The following GPR158 variants were observed in gnomAD, a reference collection of about 807,000 sequenced individuals.
The protein encoded by GPR158 is G protein-coupled receptor 158.
A neutral mutation model predicts 78.2 loss-of-function variants in GPR158; 30 were observed. The ratio of observed to expected loss-of-function variants is 0.38; its 90% CI spans 0.29 to 0.52. The LOEUF is 0.52. Ranked by LOEUF, GPR158 falls within the 20% of genes least tolerant of loss-of-function variation. The pLI, the probability that GPR158 is intolerant of heterozygous loss-of-function variation, is 0.83. For missense variants in GPR158, 1,463 were observed against 1,523.5 expected (o/e 0.96, Z 0.66); for synonymous variants, 581 against 591.1 (o/e 0.98, Z 0.25).
At chr10:25,405,565 T>C (rs12258671) in intron 3 of GPR158, among the ~76,000 whole-genome samples, 12,595 of 142,116 alleles carry the variant, frequency 0.089, 660 homozygotes, top group East Asian at 0.15. Context: ...TTGGTGATGA[T>C]GTCAGCTTAT....
chr10:25,357,347 A>C (rs985062137), intron 2 of GPR158, among the ~76,000 whole-genome samples: 3 of 152,142 alleles, frequency 2.0e-5, no homozygotes, highest in Non-Finnish European at 4.4e-5. Flanking sequence ...ATGAGGAGCC[A>C]AATGTTAATC....
intron 1 of GPR158, among the ~76,000 whole-genome samples, chr10:25,210,757 A>G (rs1006559998): frequency 1.3e-5 from 2 of 152,152 alleles, no homozygotes; most frequent in African/African-American, 4.8e-5. Context: ...TCATGACATT[A>G]TATCCTTGTA....
intron 4 of GPR158, among the ~76,000 whole-genome samples, chr10:25,442,549 TGTATATTAATACTCCA>T (rs898429502): frequency 6.6e-6 from 1 of 152,044 alleles, no homozygotes; most frequent in Non-Finnish European, 1.5e-5. Context: ...CATCTCTGCT[TGTATATTAATACTCCA>T]GTATATTAAT....
At chr10:25,532,338 T>C (rs1438530674) in intron 5 of GPR158, among the ~76,000 whole-genome samples, 2 of 152,146 alleles carry the variant, frequency 1.3e-5, no homozygotes, top group African/African-American at 4.8e-5. Flanking sequence ...GAGTGATGCA[T>C]TTTTTATGTG....
At chr10:25,209,157 CCT>C (rs1479069872) in intron 1 of GPR158, among the ~76,000 whole-genome samples, 1 of 152,186 alleles carries the variant, frequency 6.6e-6, no homozygotes, top group African/African-American at 2.4e-5. Flanking sequence ...CCAGCCACTT[CCT>C]GTTTTCTTTA....
intron 2 of GPR158, among the ~76,000 whole-genome samples, chr10:25,375,328 G>C (rs72796170): frequency 6.6e-6 from 1 of 151,360 alleles, no homozygotes; most frequent in Non-Finnish European, 1.5e-5. Flanking sequence ...CATACCTCTC[G>C]TTTTCATCAC....
intron 5 of GPR158, among the ~76,000 whole-genome samples, chr10:25,514,287 T>C (rs1836130740): frequency 6.6e-6 from 1 of 152,194 alleles, no homozygotes; most frequent in Non-Finnish European, 1.5e-5. Flanking sequence ...CTGCTGTTGT[T>C]TTAAAGTTTG....
At chr10:25,429,075 G>T (rs888046069) in intron 4 of GPR158, among the ~76,000 whole-genome samples, 1 of 151,948 alleles carries the variant, frequency 6.6e-6, no homozygotes, top group African/African-American at 2.4e-5. Context: ...AACATTCAGG[G>T]TTTCTACAGA....
intron 5 of GPR158, among the ~76,000 whole-genome samples, chr10:25,513,864 C>A (rs1836122460): frequency 6.6e-6 from 1 of 151,970 alleles, no homozygotes; most frequent in African/African-American, 2.4e-5. Context: ...CAATATTATT[C>A]CACTGTGGTC....
intron 2 of GPR158, among the ~76,000 whole-genome samples, chr10:25,375,439 C>A (rs1834064204): frequency 6.9e-6 from 1 of 145,572 alleles, no homozygotes; most frequent in African/African-American, 2.5e-5. Flanking sequence ...AAATGTTCCA[C>A]CTAGGTCTGA....
intron 5 of GPR158, among the ~76,000 whole-genome samples, chr10:25,538,988 G>C (rs1425311718): frequency 6.6e-6 from 1 of 152,172 alleles, no homozygotes; most frequent in African/African-American, 2.4e-5. Flanking sequence ...TTCTCATAGA[G>C]AGATGGGAAA....
intron 2 of GPR158, among the ~76,000 whole-genome samples, chr10:25,257,345 A>C (rs1853903097): frequency 6.6e-6 from 1 of 152,228 alleles, no homozygotes; most frequent in African/African-American, 2.4e-5. Context: ...TTTCCAACAC[A>C]TGAACTTTGG....
At chr10:25,248,801 C>CT (rs1370406327) in intron 2 of GPR158, among the ~76,000 whole-genome samples, 1 of 151,072 alleles carries the variant, frequency 6.6e-6, no homozygotes, top group East Asian at 1.9e-4. Flanking sequence ...GATGTGGGCT[C>CT]TTTTTTGGTT....
rs765240286 is a variant in GPR158 at position 25,589,085 on chromosome 10, G to A, written c.1832G>A (p.Arg611His). Residue 611 changes from arginine to histidine, a missense_variant, in exon 8 of 11, where the codon CGC becomes CAC. Physicochemically the swap from Arg to His is conservative, Grantham distance 29 (BLOSUM62 0). Coordinates refer to ENST00000376351, the MANE Select transcript of GPR158 (RefSeq NM_020752.3). ...GTCCCATCGGCATTCCATGAGCCCC[G>A]CTATATGGCTGTTGCAGTTCACAAT... ...RTVPSAFHEP[R>H]YMAVAVHNEL... 6 of 1,612,270 alleles carry A rather than the reference G, an allele frequency of 3.7e-6. No individual in the cohort carries two copies. Among genetic ancestry groups the A allele is most frequent in the South Asian group, 2.2e-5 (2 of 90,932 alleles).
intron 2 of GPR158, among the ~76,000 whole-genome samples, chr10:25,390,090 C>T (rs1218254993): frequency 6.6e-6 from 1 of 152,180 alleles, no homozygotes; most frequent in Non-Finnish European, 1.5e-5. Flanking sequence ...CTTTTGCCCT[C>T]CATCATATTT....
chr10:25,583,756 C>T (rs138168590), intron 7 of GPR158, among the ~76,000 whole-genome samples: 112 of 152,012 alleles, frequency 7.4e-4, no homozygotes, highest in Admixed American at 1.1e-3. Context: ...AAAACCTAAA[C>T]GTTTTATCAT....
Position 25,599,055 on chromosome 10 carries a change from G to A in GPR158, c.3429G>A (p.Lys1143=). The A allele has an allele frequency of 1.2e-6, 2 of 1,613,978 alleles. No individual in the cohort carries two copies. Among genetic ancestry groups the A allele is most frequent in the Non-Finnish European group, 1.7e-6 (2 of 1,179,972 alleles). ...ACCAAATAGGACACCAGGAAAAAAA[G>A]ACATCTTCTTCTGAGGAGAATGTGC... ...NLNQIGHQEK[K]TSSSEENVRG... The change falls in exon 11 of 11, where the codon AAG becomes AAA. Residue 1143 remains lysine, a synonymous_variant. Coordinates refer to ENST00000376351, the MANE Select transcript of GPR158 (RefSeq NM_020752.3).
At chr10:25,358,118 C>T (rs77960119) in intron 2 of GPR158, among the ~76,000 whole-genome samples, 15,162 of 152,034 alleles carry the variant, frequency 0.1, 1,869 homozygotes, top group African/African-American at 0.3. Context: ...CTTTGTTTTT[C>T]CCAATGTCTC....
In GPR158 at chr10:25,391,911, T is replaced by C. The variant is rs144158402; in HGVS notation, c.1009-4000T>C. 3.3e-3 allele frequency among the ~76,000 whole-genome samples: 499 copies of C among 152,196 alleles called. 2 individuals carry two copies. The highest frequency in any genetic ancestry group is 0.012 in the African/African-American group (479 of 41,536). On this transcript the variant is annotated intron_variant, in intron 2 of 10. Transcript: ENST00000376351. ...ATGGGAGGGAACTGGTAGGAAGTAA[T>C]TGAATCATGGGGGTGAGTTTTTCCC... is the stretch of plus-strand genomic sequence containing the variant.
Sources: gnomAD v4.1 joint callset for allele counts (sites outside exome capture counted in the v4.1 genomes callset) on GRCh38, gnomAD v4.1.1 for gene constraint, MANE v1.5 for transcripts, NCBI Gene and HGNC (gene_info 2026-07-23, HGNC 2026-07-21) for gene names.